The following AFAP1 variants were observed in gnomAD, a reference collection of about 807,000 sequenced individuals.
AFAP1 encodes the protein actin filament associated protein 1, also known as actin filament-associated protein 1.
AFAP1 carries 75 observed loss-of-function variants against 93.9 expected under a neutral mutation model. The ratio of observed to expected loss-of-function variants is 0.80; its 90% CI spans 0.66 to 0.97. AFAP1 has a LOEUF of 0.97. AFAP1 is among the 50% of genes least tolerant of loss of function. The probability of loss-of-function intolerance (pLI) is 0.00; values close to 1 mark genes in which losing one functional copy is unlikely to be tolerated. For synonymous variants in AFAP1, 517 were observed against 430.7 expected, an observed-to-expected ratio of 1.20 and a Z score of -2.48; for missense variants, 1,201 against 1,050.8, an observed-to-expected ratio of 1.14 and a Z score of -1.98.
intron 8 of AFAP1, among the ~76,000 whole-genome samples, chr4:7,812,232 C>T (rs1055171439): frequency 3.9e-5 from 6 of 152,072 alleles, no homozygotes; most frequent in African/African-American, 7.2e-5. Flanking sequence ...CAGGACAGCC[C>T]GAGTGCCCGG....
intron 4 of AFAP1, among the ~76,000 whole-genome samples, chr4:7,852,030 C>G (rs1714498127): frequency 6.6e-6 from 1 of 152,180 alleles, no homozygotes; most frequent in South Asian, 2.1e-4. Flanking sequence ...CCACAGACTC[C>G]AGCACGCTGA....
intron 8 of AFAP1, among the ~76,000 whole-genome samples, chr4:7,815,200 G>A (rs577660031): frequency 1.3e-5 from 2 of 152,128 alleles, no homozygotes; most frequent in Non-Finnish European, 2.9e-5. Flanking sequence ...GGTCCCTAGA[G>A]GAGTCAGATT....
chr4:7,766,798 AC>A (rs1313115837), intron 17 of AFAP1, among the ~76,000 whole-genome samples: 3 of 152,062 alleles, frequency 2.0e-5, no homozygotes, highest in African/African-American at 7.2e-5. Context: ...GGGAAATCTG[AC>A]CTGGAGCTGT....
chr4:7,896,056 T>A (rs1034934954), intron 1 of AFAP1, among the ~76,000 whole-genome samples: 2 of 151,978 alleles, frequency 1.3e-5, no homozygotes, highest in Non-Finnish European at 2.9e-5. Flanking sequence ...AGACTGGGTT[T>A]CTCCATGTTG....
intron 1 of AFAP1, among the ~76,000 whole-genome samples, chr4:7,919,393 G>A (rs1720310002): frequency 6.6e-6 from 1 of 152,172 alleles, no homozygotes; most frequent in African/African-American, 2.4e-5. Context: ...GAACAAGGGG[G>A]CTATTTTTGT....
rs759905652 is a variant in AFAP1 at position 7,774,790 on chromosome 4, G to C, written c.2011C>G (p.Gln671Glu). 3.1e-6 allele frequency: 5 copies of C among 1,614,094 alleles called. No individual in the cohort carries two copies. In the Admixed American group the frequency reaches 8.3e-5, roughly 27 times the overall value. Residue 671 changes from glutamine (Q) to glutamate (E), a missense_variant, in exon 15 of 18, where the codon CAG (glutamine) becomes GAG (glutamate). Coordinates refer to ENST00000420658, the MANE Select transcript of AFAP1 (RefSeq NM_001134647.2). ...AGGTCTTTTCTTTCCTTGCGGAGCT[G>C]GGCCAGCCTATTCCGCAGGGCCTCT... ...RKEALRNRLA[Q>E]LRKERKDLRA...
intron 10 of AFAP1, chr4:7,798,896 T>C (rs925959039): frequency 1.0e-6 from 1 of 987,718 alleles, no homozygotes; most frequent in African/African-American, 1.7e-5. Context: ...TTCCTGTATC[T>C]TACCCGTGCC....
chr4:7,835,333 C>T lies in AFAP1; in HGVS notation c.726+3191G>A, dbSNP rs572621532. Among the ~76,000 whole-genome samples, 13 of 63,794 alleles carry T rather than the reference C, an allele frequency of 2.0e-4. No individual in the cohort carries two copies. In the South Asian group the frequency reaches 6.3e-3, roughly 31 times the overall value. The allele number at this position is 63,794 out of a possible 152,430, so 41.9% of individuals were successfully genotyped here. ...GGGTGGCTCTTGAATGGACTGCGGG[C>T]GGCCTCAAGGTTACCTGGGTGGCTC... On this transcript the variant is annotated intron_variant, in intron 6 of 17. Coordinates refer to ENST00000420658, the MANE Select transcript of AFAP1 (RefSeq NM_001134647.2).
chr4:7,873,583 C>G (rs28842326), intron 1 of AFAP1, among the ~76,000 whole-genome samples: 3 of 151,714 alleles, frequency 2.0e-5, no homozygotes, highest in Non-Finnish European at 4.4e-5. Flanking sequence ...CTCCTGACCT[C>G]GTGATCCACC....
chr4:7,931,155 C>T (rs1721042097), intron 1 of AFAP1, among the ~76,000 whole-genome samples: 2 of 152,268 alleles, frequency 1.3e-5, no homozygotes, highest in South Asian at 2.1e-4. Flanking sequence ...CAGGACATCT[C>T]CCTGTCTTTC....
At chr4:7,775,063 C>T in intron 14 of AFAP1, 160 bp from the exon 15 acceptor site, 1 of 835,366 alleles carries the variant, frequency 1.2e-6, no homozygotes, top group Non-Finnish European at 1.8e-6. Context: ...ATCGCTTGAG[C>T]TTGGGAGCTT....
In AFAP1 at chr4:7,868,963, AAAGAG is replaced by A. The variant is rs1057274540; in HGVS notation, c.128-249_128-245del. 1.3e-4 allele frequency among the ~76,000 whole-genome samples: 19 copies of A among 151,886 alleles called. No individual in the cohort carries two copies. In the East Asian group the frequency reaches 3.1e-3, roughly 25 times the overall value. ...AGAAAGAGAAAGGGAAAGGGAAAGA[AAAGAG>A]AAAAGAAAAAAGAAAAAAGAAAAGA... On this transcript the variant is annotated intron_variant, in intron 2 of 17. Coordinates refer to ENST00000420658, the MANE Select transcript of AFAP1 (RefSeq NM_001134647.2).
intron 1 of AFAP1, among the ~76,000 whole-genome samples, chr4:7,909,896 C>T (rs6833054): frequency 0.88 from 134,102 of 152,196 alleles, 59,325 homozygotes; most frequent in African/African-American, 0.96. Context: ...GCTCTCACAC[C>T]TTGGCTCAGT....
At chr4:7,863,139 G>C (rs577807100) in intron 3 of AFAP1, among the ~76,000 whole-genome samples, 13 of 152,364 alleles carry the variant, frequency 8.5e-5, no homozygotes, top group African/African-American at 2.6e-4. Context: ...TGAAAAGCCA[G>C]GCGCGGTGGC....
rs200519161 is a variant in AFAP1 at position 7,760,435 on chromosome 4, G to GGTAA, written c.*3326_*3329dup. ...CATGGACAGTGGCCCATGCTCCTGG[G>GGTAA]GTAAGTCTGGTGCCTGGGGTGACTC... On this transcript the variant is annotated 3_prime_UTR_variant, in exon 18 of 18. Transcript: ENST00000420658. The GGTAA allele has an allele frequency of 0.013, 2,020 of 152,382 alleles. 21 individuals are homozygous for GGTAA. Among genetic ancestry groups the GGTAA allele is most frequent in the Non-Finnish European group, 0.018 (1,199 of 68,118 alleles). 9.4% of individuals were successfully genotyped at this position (152,382 alleles called of 1,614,324 possible).
intron 1 of AFAP1, among the ~76,000 whole-genome samples, chr4:7,891,434 A>C (rs959253903): frequency 1.3e-5 from 2 of 151,902 alleles, no homozygotes; most frequent in East Asian, 1.9e-4. Flanking sequence ...ATTCAACAGG[A>C]AACACTATAT....
intron 17 of AFAP1, among the ~76,000 whole-genome samples, chr4:7,764,480 G>A (rs566275788): frequency 4.6e-5 from 7 of 152,344 alleles, no homozygotes; most frequent in Admixed American, 6.5e-5. Context: ...GGATGGCGGC[G>A]ATGGCTGTGC....
chr4:7,809,569 C>A, intron 9 of AFAP1, 45 bp downstream of exon 9: 1 of 1,571,686 alleles, frequency 6.4e-7, no homozygotes, highest in East Asian at 2.3e-5. Flanking sequence ...GAAAATGAAA[C>A]CCACTTAGGT....
chr4:7,880,118 T>C (rs1717756378), intron 1 of AFAP1, among the ~76,000 whole-genome samples: 1 of 152,138 alleles, frequency 6.6e-6, no homozygotes, highest in African/African-American at 2.4e-5. Context: ...AGAAAATCTC[T>C]CTGGCTCAGG....
Sources: gnomAD v4.1 joint callset for allele counts (sites outside exome capture counted in the v4.1 genomes callset) on GRCh38, gnomAD v4.1.1 for gene constraint, MANE v1.5 for transcripts, NCBI Gene and HGNC (gene_info 2026-07-23, HGNC 2026-07-21) for gene names.